Variants in CDH20 observed in about 807,000 individuals in gnomAD.
The protein encoded by CDH20 is cadherin-20.
Under a neutral mutation model 74.2 loss-of-function variants are expected in CDH20, and 29 were observed. The observed-to-expected ratio is 0.39, with a 90% CI of 0.29 to 0.53. CDH20 has a LOEUF of 0.53. Among genes scored for constraint, CDH20 ranks in the 20% least tolerant of loss-of-function variants. The pLI, the probability that CDH20 is intolerant of heterozygous loss-of-function variation, is 0.69. For synonymous variants in CDH20, 469 were observed against 405.4 expected, an observed-to-expected ratio of 1.16 and a Z score of -1.88; for missense variants, 988 against 1,048.3, an observed-to-expected ratio of 0.94 and a Z score of 0.79.
chr18:61,406,928 T>C (rs539900850), intron 1 of CDH20, among the ~76,000 whole-genome samples: 1 of 152,284 alleles, frequency 6.6e-6, no homozygotes, highest in South Asian at 2.1e-4. Flanking sequence ...TGAAAAAGCA[T>C]TGAATAAGAA....
At chr18:61,530,197 T>C (rs558773256) in intron 7 of CDH20, among the ~76,000 whole-genome samples, 62 of 152,320 alleles carry the variant, frequency 4.1e-4, no homozygotes, top group African/African-American at 1.5e-3. Context: ...CCTGACTCTT[T>C]GTACTATCCA....
chr18:61,377,131 C>G (rs80298322), intron 1 of CDH20, among the ~76,000 whole-genome samples: 4,097 of 152,160 alleles, frequency 0.027, 184 homozygotes, highest in African/African-American at 0.095. Context: ...TGATTCATCC[C>G]CATTGCCTTT....
chr18:61,510,366 T>C (rs1011783869), intron 6 of CDH20, among the ~76,000 whole-genome samples: 3 of 152,172 alleles, frequency 2.0e-5, no homozygotes, highest in Non-Finnish European at 4.4e-5. Flanking sequence ...GATGGAGTGA[T>C]CACCTGTGAC....
At chr18:61,354,083 C>T (rs896043219) in intron 1 of CDH20, among the ~76,000 whole-genome samples, 3 of 151,834 alleles carry the variant, frequency 2.0e-5, no homozygotes, top group Non-Finnish European at 4.4e-5. Flanking sequence ...AAAAAGAAGG[C>T]TTTCAGTTTC....
intron 9 of CDH20, among the ~76,000 whole-genome samples, chr18:61,541,885 G>A (rs1039744485): frequency 3.9e-5 from 6 of 152,160 alleles, no homozygotes; most frequent in African/African-American, 7.2e-5. Flanking sequence ...AATATTGCAC[G>A]ACAAGTGGGG....
chr18:61,505,274 A>G (rs574154633), intron 5 of CDH20, among the ~76,000 whole-genome samples: 2 of 152,088 alleles, frequency 1.3e-5, no homozygotes, highest in East Asian at 3.9e-4. Flanking sequence ...TGGCAGCTTC[A>G]CAATAGCAGA....
chr18:61,430,363 T>G (rs1187751797), intron 1 of CDH20, among the ~76,000 whole-genome samples: 1 of 152,144 alleles, frequency 6.6e-6, no homozygotes, highest in East Asian at 1.9e-4. Context: ...TAAAGTACTA[T>G]TCTCATCACA....
rs181465232 is a variant in CDH20 at position 61,521,660 on chromosome 18, T to C, written c.1018-6307T>C. On this transcript the variant is annotated intron_variant, in intron 6 of 11. Transcript: ENST00000262717. ...GGCCAATATCCCTGATGAACATCGA[T>C]GTGAAAATCCTCAATAACATACTGG... Among the ~76,000 whole-genome samples, 107 of 151,488 alleles carry C rather than the reference T, an allele frequency of 7.1e-4. 5 individuals carry two copies. The highest frequency in any genetic ancestry group is 2.5e-3 in the African/African-American group (102 of 40,870).
intron 1 of CDH20, among the ~76,000 whole-genome samples, chr18:61,427,365 C>A (rs1394802798): frequency 6.6e-6 from 1 of 152,082 alleles, no homozygotes; most frequent in Non-Finnish European, 1.5e-5. Flanking sequence ...AAGTGAGGAA[C>A]AGAGATTTAA....
At chr18:61,448,677 C>T (rs1331045050) in intron 1 of CDH20, among the ~76,000 whole-genome samples, 1 of 152,142 alleles carries the variant, frequency 6.6e-6, no homozygotes, top group African/African-American at 2.4e-5. Flanking sequence ...AGACATGAGA[C>T]ATATTAAGGT....
At chr18:61,436,594 T>G (rs1908848593) in intron 1 of CDH20, among the ~76,000 whole-genome samples, 1 of 152,182 alleles carries the variant, frequency 6.6e-6, no homozygotes, top group Admixed American at 6.6e-5. Context: ...AAGTCTAAAC[T>G]AGGGATAGAG....
intron 1 of CDH20, among the ~76,000 whole-genome samples, chr18:61,425,930 A>G (rs937159152): frequency 3.9e-5 from 6 of 152,202 alleles, no homozygotes; most frequent in African/African-American, 1.4e-4. Flanking sequence ...AAGACTTAAT[A>G]TTGTTAAGAC....
chr18:61,337,233 A>C (rs1909789950), intron 1 of CDH20, among the ~76,000 whole-genome samples: 1 of 152,224 alleles, frequency 6.6e-6, no homozygotes, highest in South Asian at 2.1e-4. Flanking sequence ...CCAGAATACC[A>C]GAGAGCTAAG....
intron 1 of CDH20, among the ~76,000 whole-genome samples, chr18:61,356,675 G>C (rs1910505655): frequency 6.6e-6 from 1 of 152,146 alleles, no homozygotes; most frequent in African/African-American, 2.4e-5. Context: ...TCATTAGGAT[G>C]ATCCTTAAGG....
chr18:61,458,342 G>C (rs1362992805), intron 1 of CDH20, among the ~76,000 whole-genome samples: 1 of 152,144 alleles, frequency 6.6e-6, no homozygotes. Flanking sequence ...TGTTAATGAT[G>C]TATTTGGCCC....
intron 1 of CDH20, among the ~76,000 whole-genome samples, chr18:61,336,378 C>T (rs1025043617): frequency 6.6e-6 from 1 of 152,222 alleles, no homozygotes; most frequent in Non-Finnish European, 1.5e-5. Flanking sequence ...GTAGTCTTCT[C>T]TTACCATCTC....
Position 61,449,391 on chromosome 18 carries a change from C to G in CDH20, c.-152-41011C>G, listed in dbSNP as rs550017108. On this transcript the variant is annotated intron_variant, in intron 1 of 11. Transcript: ENST00000262717. ...TCCCTTATTTGTAGCTAAATATGATCTGTCACTCAGCCTTACCTTGCTGTC... is the reference window on the plus strand; with the variant it reads ...TCCCTTATTTGTAGCTAAATATGATGTGTCACTCAGCCTTACCTTGCTGTC... Among the ~76,000 whole-genome samples, 5 of 152,210 alleles carry G rather than the reference C, an allele frequency of 3.3e-5. No homozygotes were observed. In the East Asian group the frequency reaches 9.7e-4, roughly 29 times the overall value.
At chr18:61,381,885 G>A (rs76448339) in intron 1 of CDH20, among the ~76,000 whole-genome samples, 8 of 151,974 alleles carry the variant, frequency 5.3e-5, no homozygotes, top group African/African-American at 1.2e-4. Flanking sequence ...TTTATATTCC[G>A]CATCTCAACA....
At chr18:61,345,689 T>G (rs754531115) in intron 1 of CDH20, among the ~76,000 whole-genome samples, 4 of 152,146 alleles carry the variant, frequency 2.6e-5, no homozygotes, top group Non-Finnish European at 5.9e-5. Flanking sequence ...AAGAATGCTC[T>G]CAGGATACTT....
Sources: allele counts gnomAD v4.1 joint callset (sites outside exome capture counted in the v4.1 genomes callset), GRCh38; gene constraint gnomAD v4.1.1; transcripts MANE v1.5; gene names NCBI Gene and HGNC (gene_info 2026-07-23, HGNC 2026-07-21).